The following ANO3 variants were observed in gnomAD, a reference collection of about 807,000 sequenced individuals.
ANO3 encodes the protein anoctamin 3.
ANO3 carries 99 observed loss-of-function variants against 144.8 expected under a neutral mutation model. That is an observed-to-expected ratio of 0.68 (90% CI 0.58 to 0.81). ANO3 has a LOEUF of 0.81. Ranked by LOEUF, ANO3 falls within the 30% of genes least tolerant of loss-of-function variation. The probability of loss-of-function intolerance (pLI) is 0.00; values close to 1 mark genes in which losing one functional copy is unlikely to be tolerated. For missense variants in ANO3, 905 were observed against 1,202.2 expected (o/e 0.75, Z 3.66); for synonymous variants, 414 against 392.6 (o/e 1.05, Z -0.64).
chr11:26,538,716 G>T (rs1232723156), intron 10 of ANO3, among the ~76,000 whole-genome samples: 3 of 152,104 alleles, frequency 2.0e-5, no homozygotes, highest in East Asian at 3.9e-4. Flanking sequence ...TAAGTTATAA[G>T]TATCATCTTC....
At chr11:26,652,404 C>T (rs923306526) in intron 24 of ANO3, among the ~76,000 whole-genome samples, 3 of 152,098 alleles carry the variant, frequency 2.0e-5, no homozygotes, top group Non-Finnish European at 4.4e-5. Context: ...CGTCTATTAT[C>T]ACATCTTCCT....
At chr11:26,379,297 G>A (rs745603134) in intron 1 of ANO3, among the ~76,000 whole-genome samples, 3 of 152,124 alleles carry the variant, frequency 2.0e-5, no homozygotes, top group African/African-American at 4.8e-5. Flanking sequence ...ATTTTTTTCT[G>A]AGTTTGATAC....
chr11:26,561,268 GAA>G (rs1318546740), intron 14 of ANO3: 2 of 1,456,808 alleles, frequency 1.4e-6, no homozygotes, highest in Non-Finnish European at 1.8e-6. Context: ...GTGATACTCT[GAA>G]AGATTCATGT....
At position 26,563,055 on chromosome 11, in the gene ANO3, T is replaced by C. The variant is rs1850355302; in HGVS notation, c.1447+3276T>C. ...TACCTTCTAGGCAATGCAGTGAACATTGGCATCCTCATTTAATTAAAACCA... is the reference window on the plus strand; with the variant it reads ...TACCTTCTAGGCAATGCAGTGAACACTGGCATCCTCATTTAATTAAAACCA... On this transcript the variant is annotated intron_variant, in intron 14 of 26. Transcript: ENST00000256737. The C allele has an allele frequency of 9.5e-6, 15 of 1,582,600 alleles. 1 individual carries two copies. The highest frequency in any genetic ancestry group is 5.4e-5 in the African/African-American group (4 of 73,820).
chr11:26,462,885 A>AATT (rs1859463882), intron 3 of ANO3, 145 bp from the exon 4 acceptor site: 1 of 417,954 alleles, frequency 2.4e-6, no homozygotes, highest in African/African-American at 2.1e-5. Flanking sequence ...ATTATTTGAA[A>AATT]ATTATGCCAC....
chr11:26,233,143 G>A (rs1419177704), intron 1 of ANO3, among the ~76,000 whole-genome samples: 3 of 151,428 alleles, frequency 2.0e-5, no homozygotes, highest in Non-Finnish European at 4.4e-5. Context: ...CGTGAACCCA[G>A]GAGGCAGAGC....
chr11:26,243,945 C>G (rs537842027), intron 1 of ANO3, among the ~76,000 whole-genome samples: 1 of 151,880 alleles, frequency 6.6e-6, no homozygotes, highest in East Asian at 1.9e-4. Context: ...TGGTGAAACT[C>G]CGCCTGTACT....
intron 4 of ANO3, among the ~76,000 whole-genome samples, chr11:26,506,096 G>T (rs1861425309): frequency 6.6e-6 from 1 of 151,584 alleles, no homozygotes; most frequent in Non-Finnish European, 1.5e-5. Context: ...AAGTGTTGGA[G>T]GCAAACGCCC....
intron 1 of ANO3, among the ~76,000 whole-genome samples, chr11:26,249,516 A>G (rs1852877297): frequency 6.6e-6 from 1 of 152,028 alleles, no homozygotes; most frequent in Admixed American, 6.6e-5. Flanking sequence ...TTATATAGTT[A>G]TGTGCTTCTT....
At chr11:26,401,870 T>C (rs1857155928) in intron 1 of ANO3, among the ~76,000 whole-genome samples, 2 of 152,150 alleles carry the variant, frequency 1.3e-5, no homozygotes, top group East Asian at 1.9e-4. Context: ...CGATTCCACA[T>C]TGTAGAATCT....
intron 1 of ANO3, among the ~76,000 whole-genome samples, chr11:26,272,288 C>A (rs1225904553): frequency 6.6e-6 from 1 of 151,660 alleles, no homozygotes; most frequent in Non-Finnish European, 1.5e-5. Flanking sequence ...TTGCTTGATA[C>A]GTACCATAGA....
chr11:26,508,366 A>G (rs1041081282), intron 5 of ANO3, 104 bp downstream of exon 5: 1 of 1,056,920 alleles, frequency 9.5e-7, no homozygotes, highest in Middle Eastern at 3.2e-4. Flanking sequence ...TTTATAAAAT[A>G]CATAGTTTTT....
chr11:26,528,788 T>G (rs528981598), intron 7 of ANO3, among the ~76,000 whole-genome samples: 1 of 152,102 alleles, frequency 6.6e-6, no homozygotes, highest in Non-Finnish European at 1.5e-5. Flanking sequence ...TTAAAAAGCT[T>G]GAGTAATTTC....
intron 1 of ANO3, among the ~76,000 whole-genome samples, chr11:26,356,900 G>A (rs1279803199): frequency 6.6e-6 from 1 of 152,118 alleles, no homozygotes; most frequent in African/African-American, 2.4e-5. Context: ...CTTCTGATTT[G>A]TAGTCAAATT....
At chr11:26,545,243 T>C (rs908775422) in intron 11 of ANO3, among the ~76,000 whole-genome samples, 4 of 152,062 alleles carry the variant, frequency 2.6e-5, no homozygotes, top group Non-Finnish European at 5.9e-5. Flanking sequence ...AATTTCCTTA[T>C]ACTCTTTGGT....
intron 1 of ANO3, among the ~76,000 whole-genome samples, chr11:26,222,757 G>C (rs558687270): frequency 6.6e-6 from 1 of 152,332 alleles, no homozygotes; most frequent in Admixed American, 6.5e-5. Context: ...GGTATAAGCT[G>C]TACCTGGGCT....
chr11:26,227,147 T>C (rs11029401), intron 1 of ANO3, among the ~76,000 whole-genome samples: 1 of 152,312 alleles, frequency 6.6e-6, no homozygotes, highest in East Asian at 1.9e-4. Context: ...TAAGACCAGA[T>C]AGTACTCCAA....
intron 1 of ANO3, among the ~76,000 whole-genome samples, chr11:26,358,708 C>T (rs1246323128): frequency 1.3e-5 from 2 of 151,956 alleles, no homozygotes; most frequent in Non-Finnish European, 2.9e-5. Flanking sequence ...TCCCCCTTCC[C>T]TTTTGTGGTC....
chr11:26,232,194 G>A (rs554850151), intron 1 of ANO3, among the ~76,000 whole-genome samples: 1 of 152,236 alleles, frequency 6.6e-6, no homozygotes, highest in East Asian at 1.9e-4. Flanking sequence ...GGTTGGCCCA[G>A]GGATGCAGGT....
Sources: gnomAD v4.1 joint callset for allele counts (sites outside exome capture counted in the v4.1 genomes callset) on GRCh38, gnomAD v4.1.1 for gene constraint, MANE v1.5 for transcripts, NCBI Gene and HGNC (gene_info 2026-07-23, HGNC 2026-07-21) for gene names.